The following WAC variants were observed in gnomAD, a reference collection of about 807,000 sequenced individuals.
WAC encodes WW domain containing adaptor with coiled-coil.
Under a neutral mutation model 79.6 loss-of-function variants are expected in WAC, and 11 were observed. That is an observed-to-expected ratio of 0.14 (90% CI 0.09 to 0.23). The LOEUF (loss-of-function observed/expected upper bound fraction) is 0.23. WAC is among the 10% of genes least tolerant of loss of function. The probability of loss-of-function intolerance (pLI) is 1.00; values close to 1 mark genes in which losing one functional copy is unlikely to be tolerated. For synonymous variants in WAC, 304 were observed against 276.9 expected (o/e 1.10, Z -0.97); for missense variants, 728 against 773.5 (o/e 0.94, Z 0.70).
intron 4 of WAC, among the ~76,000 whole-genome samples, chr10:28,586,962 T>C (rs1839851068): frequency 6.6e-6 from 1 of 152,166 alleles, no homozygotes; most frequent in East Asian, 1.9e-4. Flanking sequence ...CTGCATACTT[T>C]GGAGCTTTTG....
intron 3 of WAC, among the ~76,000 whole-genome samples, chr10:28,571,461 C>T (rs938211409): frequency 2.6e-5 from 4 of 152,282 alleles, no homozygotes; most frequent in Middle Eastern, 3.4e-3. Flanking sequence ...GACTGTTGTA[C>T]TTTGCCCTCT....
chr10:28,578,675 AT>A (rs917136118), intron 3 of WAC, among the ~76,000 whole-genome samples: 23 of 151,822 alleles, frequency 1.5e-4, no homozygotes, highest in Non-Finnish European at 3.1e-4. Flanking sequence ...GTTTTGATGA[AT>A]TTTTTTTGGA....
intron 7 of WAC, among the ~76,000 whole-genome samples, chr10:28,607,001 A>G (rs1017329665): frequency 1.4e-4 from 21 of 152,280 alleles, no homozygotes; most frequent in Non-Finnish European, 3.1e-4. Flanking sequence ...GCTTTATTTT[A>G]CATTGTCCTG....
chr10:28,576,325 T>G (rs1011804585), intron 3 of WAC, among the ~76,000 whole-genome samples: 1 of 152,220 alleles, frequency 6.6e-6, no homozygotes, highest in African/African-American at 2.4e-5. Context: ...GCAGTACTGT[T>G]TTTTAAACAA....
chr10:28,617,691 G>C lies in WAC; in HGVS notation c.1781G>C (p.Gly594Ala), dbSNP rs1246833517. Residue 594 changes from glycine to alanine, a missense_variant, in exon 13 of 14, where the codon GGA (glycine) becomes GCA (alanine). By Grantham distance (60) the Gly-to-Ala change is moderately conservative. This residue lies in a region of WAC where 66 missense variants were observed against 78.9 expected (regional missense o/e 0.84). Coordinates refer to ENST00000354911, the MANE Select transcript of WAC (RefSeq NM_016628.5). ...TTACGCGAAGAAGCGCATAACATGG[G>C]AACTATTCACATGTCCGAAATTTGT... ...SRLREEAHNMGTIHMSEICTE... is the reference protein window; with the variant it reads ...SRLREEAHNMATIHMSEICTE... The C allele has an allele frequency of 3.1e-6, 5 of 1,593,892 alleles. No individual in the cohort carries two copies. In the African/African-American group the frequency reaches 4.0e-5, roughly 13 times the overall value.
At chr10:28,562,876 A>G (rs186386259) in intron 3 of WAC, among the ~76,000 whole-genome samples, 1 of 152,232 alleles carries the variant, frequency 6.6e-6, no homozygotes, top group Non-Finnish European at 1.5e-5. Flanking sequence ...CTGTTTTTCA[A>G]ACTGTGAAAA....
chr10:28,589,406 C>A, intron 4 of WAC: 1 of 179,728 alleles, frequency 5.6e-6, no homozygotes, highest in Non-Finnish European at 1.2e-5. Flanking sequence ...CATTCCCCAC[C>A]CCCATGTTAC....
intron 3 of WAC, among the ~76,000 whole-genome samples, chr10:28,558,600 T>C (rs1466640499): frequency 6.6e-6 from 1 of 152,238 alleles, no homozygotes; most frequent in Admixed American, 6.5e-5. Context: ...GTGAACCACC[T>C]GTGTTATGTT....
intron 7 of WAC, among the ~76,000 whole-genome samples, chr10:28,599,467 G>T (rs1304945267): frequency 6.6e-6 from 1 of 152,186 alleles, no homozygotes; most frequent in Non-Finnish European, 1.5e-5. Context: ...TACTACATGT[G>T]TGTAATGGAT....
At chr10:28,607,048 C>T (rs780693533) in intron 7 of WAC, among the ~76,000 whole-genome samples, 5 of 152,072 alleles carry the variant, frequency 3.3e-5, no homozygotes, top group Admixed American at 1.3e-4. Flanking sequence ...CTTGAATTTC[C>T]TAGGCATTCA....
intron 3 of WAC, among the ~76,000 whole-genome samples, chr10:28,573,916 A>G (rs1320549621): frequency 6.7e-6 from 1 of 149,254 alleles, no homozygotes; most frequent in Non-Finnish European, 1.5e-5. Flanking sequence ...CTGTCTCGAC[A>G]GGTTTGTCTA....
rs1352720341 is a variant in WAC, at chr10:28,621,335, A to G, written c.*1729A>G. ...TGTTACTACATTCTCGGATGCTAACATAAATTTTGAAATTGCTCTTGTGCT... is the reference window on the plus strand; with the variant it reads ...TGTTACTACATTCTCGGATGCTAACGTAAATTTTGAAATTGCTCTTGTGCT... On this transcript the variant is annotated 3_prime_UTR_variant, in exon 14 of 14. Transcript: ENST00000354911. 1.3e-5 allele frequency: 2 copies of G among 151,734 alleles called. No homozygotes were observed. Among genetic ancestry groups the G allele is most frequent in the Non-Finnish European group, 1.5e-5 (1 of 68,006 alleles). The allele number at this position is 151,734 out of a possible 1,614,324, so 9.4% of individuals were successfully genotyped here.
At chr10:28,589,580 C>G (rs530071815) in intron 4 of WAC, 156 bp from the exon 5 acceptor site, 1 of 399,284 alleles carries the variant, frequency 2.5e-6, no homozygotes. Context: ...TTTTCATAAA[C>G]TAAGGTCTTA....
At chr10:28,599,100 A>T (rs1192072044) in intron 7 of WAC, among the ~76,000 whole-genome samples, 1 of 152,012 alleles carries the variant, frequency 6.6e-6, no homozygotes. Context: ...TTTTTTCTCA[A>T]CGGAGACATC....
rs767187647 is a variant in WAC at position 28,595,969 on chromosome 10, A to G, written c.847A>G (p.Asn283Asp). ...DHQPKKSFDA[N>D]GASTLSKLPT... ...CCAGCCAAAGAAATCATTTGATGCTAATGGAGCATCTACTTTATCAAAACT... is the reference window on the plus strand; with the variant it reads ...CCAGCCAAAGAAATCATTTGATGCTGATGGAGCATCTACTTTATCAAAACT... The change falls in exon 7 of 14, where the codon AAT (asparagine) becomes GAT (aspartate). Residue 283 changes from asparagine to aspartate, a missense_variant. Physicochemically the swap from Asn to Asp is conservative, Grantham distance 23 (BLOSUM62 1). Around this residue, in one of 3 missense-constraint regions of WAC, gnomAD observed 648 missense variants for 661.5 expected, o/e 0.98. Coordinates refer to ENST00000354911, the MANE Select transcript of WAC (RefSeq NM_016628.5). 3.7e-6 allele frequency: 6 copies of G among 1,614,160 alleles called. No homozygotes were observed. The East Asian group carries it at 6.7e-5, about 18-fold the overall frequency.
intron 3 of WAC, among the ~76,000 whole-genome samples, chr10:28,544,837 G>A (rs767823578): frequency 1.3e-5 from 2 of 152,118 alleles, no homozygotes; most frequent in Non-Finnish European, 2.9e-5. Flanking sequence ...GCCAAGGCGG[G>A]CAGATCACCT....
chr10:28,537,111 A>T (rs1836721688), intron 3 of WAC, among the ~76,000 whole-genome samples: 1 of 152,238 alleles, frequency 6.6e-6, no homozygotes, highest in Non-Finnish European at 1.5e-5. Context: ...ACTGGGATTG[A>T]ATAATTTGGA....
At chr10:28,540,910 G>A (rs533861072) in intron 3 of WAC, among the ~76,000 whole-genome samples, 1 of 152,098 alleles carries the variant, frequency 6.6e-6, no homozygotes, top group East Asian at 1.9e-4. Context: ...CAGTGTCTGT[G>A]ATGTAAGCAT....
chr10:28,588,924 T>C (rs1564403760), intron 4 of WAC: 1 of 152,178 alleles, frequency 6.6e-6, no homozygotes, highest in Non-Finnish European at 1.5e-5. Context: ...GTAAGCTCCT[T>C]TGAAAAAATA....
Sources: allele counts gnomAD v4.1 joint callset (sites outside exome capture counted in the v4.1 genomes callset), GRCh38; gene constraint gnomAD v4.1.1; regional missense constraint gnomAD v4.1.1; transcripts MANE v1.5; gene names NCBI Gene and HGNC (gene_info 2026-07-23, HGNC 2026-07-21).